ASDURF: variants seen among roughly 807,000 people sequenced by gnomAD.
ASDURF encodes ASNSD1 upstream open reading frame.
ASDURF carries 3 observed loss-of-function variants against 3.3 expected under a neutral mutation model. The observed-to-expected ratio is 0.92, with a 90% confidence interval of 0.42 to 2.37. The LOEUF (loss-of-function observed/expected upper bound fraction) is 2.37, where lower values mean the gene tolerates loss of function less well. Among genes scored for constraint, ASDURF ranks in the 30% most tolerant of loss-of-function variants. ASDURF has a pLI of 0.05. For synonymous variants in ASDURF, 11 were observed against 8.3 expected (o/e 1.32, Z -0.55); for missense variants, 23 against 25.4 (o/e 0.90, Z 0.21).
chr2:189,663,392 T>C (rs2105682276), intron 1 of ASDURF, among the ~76,000 whole-genome samples: 1 of 152,250 alleles, frequency 6.6e-6, no homozygotes, highest in South Asian at 2.1e-4. Context: ...TAGCTGGGAT[T>C]ACAGGCATGT....
chr2:189,664,003 T>C (rs1340667228), intron 2 of ASDURF, 49 bp downstream of exon 2: 19 of 377,090 alleles, frequency 5.0e-5, no homozygotes, highest in Non-Finnish European at 8.0e-5. Context: ...TTTATTTATG[T>C]TAACTATATA....
chr2:189,665,353 T>C (rs1351897926), intron 2 of ASDURF, 23 bp from the exon 3 acceptor site: 1 of 395,586 alleles, frequency 2.5e-6, no homozygotes, highest in African/African-American at 2.1e-5. Flanking sequence ...AAATTTGATA[T>C]TAGCCTAAAT....
chr2:189,665,594 A>ATG (rs200000623), intron 3 of ASDURF, 143 bp downstream of exon 3: 3 of 20,452 alleles, frequency 1.5e-4, no homozygotes, highest in African/African-American at 3.9e-4. Flanking sequence ...TTATATATAT[A>ATG]TGTGTATATA....
chr2:189,666,365 A>G lies in ASDURF; in HGVS notation c.*254A>G. ...GGCAATGTGTTTCTATGGAATGGAG[A>G]AATTTTTAGTGGAATAAAGGTTGAA... On this transcript the variant is annotated 3_prime_UTR_variant, in exon 4 of 4. Transcript: ENST00000607829. The G allele has an allele frequency of 6.2e-7, 1 of 1,613,792 alleles. No individual in the cohort carries two copies.
intron 2 of ASDURF, 72 bp downstream of exon 2, chr2:189,664,026 G>C (rs908990599): frequency 8.2e-6 from 3 of 363,674 alleles, no homozygotes; most frequent in African/African-American, 4.2e-5. Context: ...AAAGTTATAA[G>C]AAGTATATAT....
chr2:189,664,162 A>G (rs1039400445), intron 2 of ASDURF, among the ~76,000 whole-genome samples: 2 of 152,198 alleles, frequency 1.3e-5, no homozygotes, highest in African/African-American at 4.8e-5. Context: ...ATCATATGCC[A>G]TTCACATTGC....
At chr2:189,663,496 G>A (rs1174024146) in intron 1 of ASDURF, among the ~76,000 whole-genome samples, 3 of 152,030 alleles carry the variant, frequency 2.0e-5, no homozygotes, top group Admixed American at 6.6e-5. Flanking sequence ...CAGGTGATCC[G>A]CCCGCCTTGG....
At chr2:189,664,045 A>T (rs41270229) in intron 2 of ASDURF, 91 bp downstream of exon 2, 1 of 349,950 alleles carries the variant, frequency 2.9e-6, no homozygotes, top group African/African-American at 2.1e-5. Flanking sequence ...ATAAGATTTA[A>T]TCATACTTTA....
intron 1 of ASDURF, among the ~76,000 whole-genome samples, chr2:189,662,295 G>T (rs1028338640): frequency 6.6e-6 from 1 of 152,174 alleles, no homozygotes; most frequent in Non-Finnish European, 1.5e-5. Flanking sequence ...GGTGGCGAGG[G>T]TTATAGCCCT....
intron 1 of ASDURF, among the ~76,000 whole-genome samples, chr2:189,662,081 CT>C (rs1274396254): frequency 6.6e-6 from 1 of 152,182 alleles, no homozygotes; most frequent in Non-Finnish European, 1.5e-5. Context: ...CCACCGTCAT[CT>C]GCTATCGGGA....
At chr2:189,662,569 G>A (rs1267119487) in intron 1 of ASDURF, among the ~76,000 whole-genome samples, 1 of 152,062 alleles carries the variant, frequency 6.6e-6, no homozygotes, top group Non-Finnish European at 1.5e-5. Context: ...GGGATTGGGG[G>A]TGAATTTTCA....
At position 189,666,204 on chromosome 2, in the gene ASDURF, A is replaced by G. The variant is rs760935277; in HGVS notation, c.*93A>G. 1.1e-5 allele frequency: 18 copies of G among 1,612,604 alleles called. No homozygotes were observed. In the East Asian group the frequency reaches 3.8e-4, roughly 34 times the overall value. On this transcript the variant is annotated 3_prime_UTR_variant, in exon 4 of 4. Coordinates refer to ENST00000607829, the MANE Select transcript of ASDURF (RefSeq NM_001353493.2). ...GTCAAGATTTAAAAGAGGACTTACT[A>G]TATAATCTTAAACAGCGGGGACCCA...
intron 1 of ASDURF, 138 bp from the exon 2 acceptor site, chr2:189,663,763 T>G (rs761066229): frequency 1.5e-5 from 5 of 334,426 alleles, no homozygotes; most frequent in Non-Finnish European, 2.7e-5. Flanking sequence ...ATCTGTATAT[T>G]CACAAACTGC....
At chr2:189,665,630 A>ATATATATATATATATATG (rs2032782101) in intron 3 of ASDURF, among the ~76,000 whole-genome samples, 179 bp downstream of exon 3, 3 of 97,550 alleles carry the variant, frequency 3.1e-5, no homozygotes, top group African/African-American at 1.1e-4. Context: ...ATATATATAT[A>ATATATATATATATATATG]TATATATATA....
chr2:189,661,673 G>A (rs2032667774), intron 1 of ASDURF, 63 bp downstream of exon 1: 2 of 399,104 alleles, frequency 5.0e-6, no homozygotes, highest in Admixed American at 4.4e-5. Context: ...GGACCCTGAA[G>A]GTGGTCCGCA....
rs750666447 is a variant in ASDURF, at chr2:189,666,115, A to G, written c.*4A>G. On this transcript the variant is annotated 3_prime_UTR_variant, in exon 4 of 4. Coordinates refer to ENST00000607829, the MANE Select transcript of ASDURF (RefSeq NM_001353493.2). ...CAAGACCAAAATCAAGAAATAGTCAACCTGATTTCACATAACAATGTGTGG... is the reference window on the plus strand; with the variant it reads ...CAAGACCAAAATCAAGAAATAGTCAGCCTGATTTCACATAACAATGTGTGG... 10 of 1,511,622 alleles carry G rather than the reference A, an allele frequency of 6.6e-6. No homozygotes were observed. The African/African-American group carries it at 7.0e-5, about 11-fold the overall frequency. 93.6% of individuals were successfully genotyped at this position (1,511,622 alleles called of 1,614,324 possible).
intron 2 of ASDURF, among the ~76,000 whole-genome samples, chr2:189,665,004 A>ATTTGCTC (rs2032753354): frequency 2.6e-5 from 4 of 152,224 alleles, no homozygotes; most frequent in African/African-American, 9.6e-5. Context: ...ATAAACTGTA[A>ATTTGCTC]TATATTATAT....
At position 189,666,250 on chromosome 2, in the gene ASDURF, A is replaced by G. The variant is rs1414196254; in HGVS notation, c.*139A>G. ...ACCCAATAGTAGTAAACAATTGTTAAAGTCTGATGTTAACTACCAGTGTTT... is the reference window on the plus strand; with the variant it reads ...ACCCAATAGTAGTAAACAATTGTTAGAGTCTGATGTTAACTACCAGTGTTT... On this transcript the variant is annotated 3_prime_UTR_variant, in exon 4 of 4. Transcript: ENST00000607829. 12 of 1,614,058 alleles carry G rather than the reference A, an allele frequency of 7.4e-6. No individual in the cohort carries two copies. The highest frequency in any genetic ancestry group is 2.7e-5 in the African/African-American group (2 of 74,940).
rs779431227 is a variant in ASDURF, at chr2:189,666,126, C to T, written c.*15C>T. ...TCAAGAAATAGTCAACCTGATTTCA[C>T]ATAACAATGTGTGGCATTTGTTGTT... On this transcript the variant is annotated 3_prime_UTR_variant, in exon 4 of 4. Coordinates refer to ENST00000607829, the MANE Select transcript of ASDURF (RefSeq NM_001353493.2). 5.9e-6 allele frequency: 9 copies of T among 1,531,318 alleles called. No individual in the cohort carries two copies. Among genetic ancestry groups the T allele is most frequent in the East Asian group, 2.3e-5 (1 of 43,686 alleles). The allele number at this position is 1,531,318 out of a possible 1,614,324, so 94.9% of individuals were successfully genotyped here. A position where few individuals can be genotyped will look rare whatever the true frequency, so the allele number is the denominator to read the frequency against.
Sources: allele counts gnomAD v4.1 joint callset (sites outside exome capture counted in the v4.1 genomes callset), GRCh38; gene constraint gnomAD v4.1.1; transcripts MANE v1.5; gene names NCBI Gene and HGNC (gene_info 2026-07-23, HGNC 2026-07-21).